NCAM1: variants seen among roughly 807,000 people sequenced by gnomAD.
NCAM1 encodes the protein neural cell adhesion molecule 1.
A neutral mutation model predicts 109.8 loss-of-function variants in NCAM1; 14 were observed. That is an observed-to-expected ratio of 0.13 (90% confidence interval 0.08 to 0.20). The LOEUF (loss-of-function observed/expected upper bound fraction) is 0.20, where lower values mean the gene tolerates loss of function less well. NCAM1 is among the 10% of genes least tolerant of loss of function. NCAM1 has a pLI of 1.00. For synonymous variants in NCAM1, 418 were observed against 442.9 expected (o/e 0.94, Z 0.70); for missense variants, 774 against 1,109.9 (o/e 0.70, Z 4.30).
At chr11:113,248,170 G>A (rs1945556038) in intron 15 of NCAM1, among the ~76,000 whole-genome samples, 1 of 150,410 alleles carries the variant, frequency 6.6e-6, no homozygotes, top group South Asian at 2.1e-4. Context: ...TTCTGCAGTT[G>A]CCGTAGAAAC....
intron 1 of NCAM1, among the ~76,000 whole-genome samples, chr11:113,000,290 C>T (rs1336569324): frequency 6.6e-6 from 1 of 151,850 alleles, no homozygotes; most frequent in East Asian, 1.9e-4. Flanking sequence ...AGCGAGAGAG[C>T]CAGGTGTGGA....
chr11:113,000,003 T>C (rs2134964274), intron 1 of NCAM1, among the ~76,000 whole-genome samples: 1 of 152,300 alleles, frequency 6.6e-6, no homozygotes, highest in African/African-American at 2.4e-5. Context: ...TTCAAATTAG[T>C]GAAGACTCAG....
chr11:113,269,726 C>A (rs1465620449), intron 17 of NCAM1: 1 of 208,486 alleles, frequency 4.8e-6, no homozygotes, highest in Non-Finnish European at 9.7e-6. Context: ...CCCAAGAAAG[C>A]CCCAGGAACC....
At chr11:113,148,371 T>TC (rs1438949796) in intron 1 of NCAM1, among the ~76,000 whole-genome samples, 5 of 150,920 alleles carry the variant, frequency 3.3e-5, no homozygotes, top group African/African-American at 1.2e-4. Context: ...TTTTTTTTTT[T>TC]TTCCTTTTTT....
intron 17 of NCAM1, among the ~76,000 whole-genome samples, chr11:113,261,211 T>C (rs564837524): frequency 6.6e-6 from 1 of 151,446 alleles, no homozygotes; most frequent in Admixed American, 6.6e-5. Context: ...GCCTGCCCTG[T>C]CTTCAGTGCT....
intron 8 of NCAM1, among the ~76,000 whole-genome samples, chr11:113,215,069 G>A (rs2137027114): frequency 6.6e-6 from 1 of 152,290 alleles, no homozygotes; most frequent in East Asian, 1.9e-4. Context: ...TCTAAATGAG[G>A]ATTACATCCT....
chr11:112,965,936 C>T (rs1353594811), intron 1 of NCAM1, among the ~76,000 whole-genome samples: 1 of 152,150 alleles, frequency 6.6e-6, no homozygotes, highest in Non-Finnish European at 1.5e-5. Flanking sequence ...ATCGCACCTG[C>T]CCCCGTCAGT....
In NCAM1 at chr11:113,203,293, T is replaced by C. The variant is rs546950654; in HGVS notation, c.127+840T>C. On this transcript the variant is annotated intron_variant, in intron 2 of 19. Transcript: ENST00000316851. ...GGCCGTCGGATGTGTTCACTCCAGC[T>C]TTGCCTTCATTACAGCAATTTCAAT... Among the ~76,000 whole-genome samples, 79 of 152,340 alleles carry C rather than the reference T, an allele frequency of 5.2e-4. 2 individuals carry two copies. In the South Asian group the frequency reaches 0.016, roughly 31 times the overall value.
At chr11:112,978,931 A>G (rs138556770) in intron 1 of NCAM1, among the ~76,000 whole-genome samples, 396 of 152,000 alleles carry the variant, frequency 2.6e-3, no homozygotes, top group Non-Finnish European at 4.7e-3. Flanking sequence ...CCTAAAAACC[A>G]TTTGGCTTAG....
Position 112,961,565 on chromosome 11 carries a change from C to G in NCAM1, c.-48C>G. 1 of 1,159,780 alleles carries G rather than the reference C, an allele frequency of 8.6e-7. No homozygotes were observed. The highest frequency in any genetic ancestry group is 1.3e-6 in the Non-Finnish European group (1 of 771,808). The allele number at this position is 1,159,780 out of a possible 1,614,324, so 71.8% of individuals were successfully genotyped here. ...TCCACACTCGCTGCAGGGGGGGGGG[C>G]ACAGAATTTACCGCGGCAAGAACAT... is the stretch of plus-strand genomic sequence containing the variant. On this transcript the variant is annotated 5_prime_UTR_variant, in exon 1 of 20. Coordinates refer to ENST00000316851, the MANE Select transcript of NCAM1 (RefSeq NM_181351.5).
chr11:113,260,650 A>G (rs1945964639), intron 17 of NCAM1, among the ~76,000 whole-genome samples: 1 of 152,078 alleles, frequency 6.6e-6, no homozygotes, highest in South Asian at 2.1e-4. Flanking sequence ...TTGAGTAAGG[A>G]TCCTTTTTTG....
intron 1 of NCAM1, among the ~76,000 whole-genome samples, chr11:113,191,358 C>A (rs578140613): frequency 6.6e-6 from 1 of 152,320 alleles, no homozygotes; most frequent in South Asian, 2.1e-4. Context: ...TAGTATATCC[C>A]TGGGCCTGAA....
intron 9 of NCAM1, among the ~76,000 whole-genome samples, chr11:113,224,112 C>T (rs935109691): frequency 3.3e-5 from 5 of 152,198 alleles, no homozygotes; most frequent in African/African-American, 9.6e-5. Flanking sequence ...GCGCACCGAG[C>T]GTGAGCCGAA....
chr11:113,090,033 A>G (rs1433026327), intron 1 of NCAM1, among the ~76,000 whole-genome samples: 2 of 152,238 alleles, frequency 1.3e-5, no homozygotes, highest in Non-Finnish European at 2.9e-5. Context: ...CAAAATTTGT[A>G]GGATTTTGTG....
At chr11:113,045,050 G>A (rs1437424322) in intron 1 of NCAM1, among the ~76,000 whole-genome samples, 1 of 152,160 alleles carries the variant, frequency 6.6e-6, no homozygotes, top group African/African-American at 2.4e-5. Flanking sequence ...CACTGCGCCC[G>A]GCCCTTCGCT....
intron 1 of NCAM1, among the ~76,000 whole-genome samples, chr11:112,976,838 GA>G (rs1652999980): frequency 6.6e-6 from 1 of 151,844 alleles, no homozygotes; most frequent in African/African-American, 2.4e-5. Context: ...TATATCTGTA[GA>G]AGTTGTTTTT....
At chr11:113,107,044 T>C (rs1940204737) in intron 1 of NCAM1, among the ~76,000 whole-genome samples, 1 of 152,258 alleles carries the variant, frequency 6.6e-6, no homozygotes, top group Non-Finnish European at 1.5e-5. Context: ...GTTTAGTGAA[T>C]ATTTAATGAT....
chr11:113,202,831 T>C (rs1365467017), intron 2 of NCAM1, among the ~76,000 whole-genome samples: 9 of 152,250 alleles, frequency 5.9e-5, no homozygotes, highest in Admixed American at 4.6e-4. Context: ...TCGGTGGATC[T>C]GTTTAAGGCT....
chr11:112,981,239 G>C (rs2298527), intron 1 of NCAM1, among the ~76,000 whole-genome samples: 70,741 of 151,552 alleles, frequency 0.47, 17,672 homozygotes, highest in Middle Eastern at 0.63. Context: ...ATGTTTTCCA[G>C]TATTTTGTAA....
Sources: gnomAD v4.1 joint callset for allele counts (sites outside exome capture counted in the v4.1 genomes callset) on GRCh38, gnomAD v4.1.1 for gene constraint, MANE v1.5 for transcripts, NCBI Gene and HGNC (gene_info 2026-07-23, HGNC 2026-07-21) for gene names.